EFCAB11: variants seen among roughly 807,000 people sequenced by gnomAD.
EFCAB11 encodes EF-hand calcium-binding domain-containing protein 11.
A neutral mutation model predicts 23.0 loss-of-function variants in EFCAB11; 14 were observed. The observed-to-expected ratio is 0.61, with a 90% CI of 0.40 to 0.95. EFCAB11 has a LOEUF of 0.95. Among genes scored for constraint, EFCAB11 ranks in the 40% least tolerant of loss-of-function variants. The pLI is 0.00. For missense variants in EFCAB11, 198 were observed against 195.8 expected (o/e 1.01, Z -0.07); for synonymous variants, 65 against 66.6 (o/e 0.98, Z 0.11).
At chr14:89,869,511 T>C (rs1241056863) in intron 5 of EFCAB11, among the ~76,000 whole-genome samples, 4 of 152,178 alleles carry the variant, frequency 2.6e-5, no homozygotes, top group Non-Finnish European at 5.9e-5. Context: ...TACACTCCTG[T>C]AATGTTACCA....
At chr14:89,904,574 T>C (rs1402023668) in intron 5 of EFCAB11, among the ~76,000 whole-genome samples, 2 of 152,192 alleles carry the variant, frequency 1.3e-5, no homozygotes, top group East Asian at 3.9e-4. Context: ...ATGGTTGAAC[T>C]AATTTACACT....
intron 5 of EFCAB11, among the ~76,000 whole-genome samples, chr14:89,925,702 A>G (rs1378486442): frequency 1.4e-5 from 2 of 147,278 alleles, no homozygotes; most frequent in South Asian, 2.2e-4. Flanking sequence ...CTGGAGTGCA[A>G]TGGCGCAGCC....
At chr14:89,802,624 C>T (rs1019498402) in intron 5 of EFCAB11, among the ~76,000 whole-genome samples, 2 of 152,188 alleles carry the variant, frequency 1.3e-5, no homozygotes, top group Non-Finnish European at 2.9e-5. Context: ...AACTCCTCAC[C>T]TCAAATGATC....
intron 5 of EFCAB11, among the ~76,000 whole-genome samples, chr14:89,858,367 C>T (rs1887818849): frequency 6.6e-6 from 1 of 152,212 alleles, no homozygotes. Context: ...AGATTCCTGA[C>T]CCACAGATAC....
chr14:89,866,803 T>C lies in EFCAB11; in HGVS notation c.410+64738A>G, dbSNP rs112201038. On this transcript the variant is annotated intron_variant, in intron 5 of 5. Transcript: ENST00000316738. ...CATTTTTAAAAATGTTTTATTTATC[T>C]TTTTTTTATTTTTATTTTTTTGAGA... is the stretch of plus-strand genomic sequence containing the variant. Among the ~76,000 whole-genome samples the C allele has an allele frequency of 2.6e-5, 4 of 151,234 alleles. 1 individual carries two copies. Among genetic ancestry groups the C allele is most frequent in the African/African-American group, 9.8e-5 (4 of 40,808 alleles).
Position 89,846,758 on chromosome 14 carries a change from C to T in EFCAB11, c.411-49434G>A, listed in dbSNP as rs116178811. Reference sequence around the variant, plus strand: ...CCTCCTGATCTTACTTATTCTCTTCCTAGTCTGCAGCCTACGATGCCATGA... The same window carrying T: ...CCTCCTGATCTTACTTATTCTCTTCTTAGTCTGCAGCCTACGATGCCATGA... On this transcript the variant is annotated intron_variant, in intron 5 of 5. Transcript: ENST00000316738. 2.6e-3 allele frequency among the ~76,000 whole-genome samples: 391 copies of T among 152,290 alleles called. 3 individuals are homozygous for T. Among genetic ancestry groups the T allele is most frequent in the African/African-American group, 8.9e-3 (369 of 41,556 alleles).
intron 5 of EFCAB11, among the ~76,000 whole-genome samples, chr14:89,871,088 G>C (rs1476735279): frequency 6.6e-6 from 1 of 152,152 alleles, no homozygotes; most frequent in Admixed American, 6.5e-5. Flanking sequence ...TTCCAAATAT[G>C]GGTCTTGAAA....
chr14:89,827,484 G>A (rs1332308573), intron 5 of EFCAB11, among the ~76,000 whole-genome samples: 3 of 152,162 alleles, frequency 2.0e-5, no homozygotes, highest in Non-Finnish European at 4.4e-5. Flanking sequence ...GAAGCAGCTG[G>A]GAAACGAGAG....
At chr14:89,840,750 G>A (rs938026556) in intron 5 of EFCAB11, among the ~76,000 whole-genome samples, 5 of 152,102 alleles carry the variant, frequency 3.3e-5, no homozygotes, top group Non-Finnish European at 7.3e-5. Context: ...CTTAATGGCA[G>A]CGGCGTAACT....
At position 89,887,267 on chromosome 14, in the gene EFCAB11, C is replaced by T. The variant is rs895935018; in HGVS notation, c.410+44274G>A. Reference sequence around the variant, plus strand: ...CTGGGGATGGGAGATGGAGTGAAGTCACTTTGGATAGGAAAGGCCTCTCTG... The same window carrying T: ...CTGGGGATGGGAGATGGAGTGAAGTTACTTTGGATAGGAAAGGCCTCTCTG... On this transcript the variant is annotated intron_variant, in intron 5 of 5. Coordinates refer to ENST00000316738, the MANE Select transcript of EFCAB11 (RefSeq NM_145231.4). 2.2e-4 allele frequency among the ~76,000 whole-genome samples: 34 copies of T among 152,156 alleles called. 1 individual carries two copies. Among genetic ancestry groups the T allele is most frequent in the Non-Finnish European group, 7.3e-5 (5 of 68,034 alleles).
intron 5 of EFCAB11, among the ~76,000 whole-genome samples, chr14:89,822,902 A>G (rs968097575): frequency 1.3e-5 from 2 of 152,240 alleles, no homozygotes; most frequent in Admixed American, 1.3e-4. Flanking sequence ...CTGATTTGCA[A>G]GTAAACTTAG....
intron 5 of EFCAB11, among the ~76,000 whole-genome samples, chr14:89,834,854 G>A (rs1887019636): frequency 1.3e-5 from 2 of 152,212 alleles, no homozygotes; most frequent in South Asian, 4.1e-4. Flanking sequence ...ACCAGAGGAA[G>A]TAGAAAAGGG....
At chr14:89,921,573 T>C (rs1458272385) in intron 5 of EFCAB11, among the ~76,000 whole-genome samples, 1 of 152,232 alleles carries the variant, frequency 6.6e-6, no homozygotes, top group Non-Finnish European at 1.5e-5. Flanking sequence ...ATAAGCTCCC[T>C]GATGCTGATG....
At chr14:89,925,964 G>A (rs1435190758) in intron 5 of EFCAB11, among the ~76,000 whole-genome samples, 1 of 152,150 alleles carries the variant, frequency 6.6e-6, no homozygotes, top group Non-Finnish European at 1.5e-5. Flanking sequence ...GAGTAGCTGG[G>A]ATTACAGGTA....
intron 5 of EFCAB11, among the ~76,000 whole-genome samples, chr14:89,836,055 T>G (rs1887069440): frequency 6.6e-6 from 1 of 152,128 alleles, no homozygotes; most frequent in South Asian, 2.1e-4. Context: ...TGCTAGGAAG[T>G]TGACGGCATT....
At chr14:89,834,057 T>C (rs1886971935) in intron 5 of EFCAB11, among the ~76,000 whole-genome samples, 1 of 152,068 alleles carries the variant, frequency 6.6e-6, no homozygotes, top group Non-Finnish European at 1.5e-5. Flanking sequence ...TGTGTATCCC[T>C]TAAAGAAAAG....
intron 5 of EFCAB11, among the ~76,000 whole-genome samples, chr14:89,885,157 T>C (rs1455901860): frequency 1.3e-5 from 2 of 152,076 alleles, no homozygotes; most frequent in African/African-American, 4.8e-5. Context: ...AAGTAGAAAA[T>C]AAAATTTAAA....
chr14:89,916,959 AT>A (rs1299518453), intron 5 of EFCAB11, among the ~76,000 whole-genome samples: 4 of 152,100 alleles, frequency 2.6e-5, no homozygotes, highest in African/African-American at 9.7e-5. Context: ...AATTGTCTAT[AT>A]TTAAGGTATA....
chr14:89,795,266 C>CG lies in EFCAB11; in HGVS notation c.*1976_*1977insC, dbSNP rs34779319. ...CCTCCCGAAGTGCTGGGATTACAGG[C>CG]TGAGTCACTGTGTCCGGCCAATGTT... is the stretch of plus-strand genomic sequence containing the variant. On this transcript the variant is annotated 3_prime_UTR_variant, in exon 6 of 6. Transcript: ENST00000316738. 0.67 allele frequency: 101,226 copies of CG among 151,004 alleles called. 35,777 individuals are homozygous for CG. The highest frequency in any genetic ancestry group is 0.8 in the Non-Finnish European group (54,008 of 67,746). The allele number at this position is 151,004 out of a possible 1,614,324, so 9.4% of individuals were successfully genotyped here.
Sources: gnomAD v4.1 joint callset for allele counts (sites outside exome capture counted in the v4.1 genomes callset) on GRCh38, gnomAD v4.1.1 for gene constraint, MANE v1.5 for transcripts, NCBI Gene and HGNC (gene_info 2026-07-23, HGNC 2026-07-21) for gene names.